The following SEC24C variants were observed in gnomAD, a reference collection of about 807,000 sequenced individuals.
SEC24C encodes the protein SEC24 homolog C, COPII component.
In SEC24C, 22 loss-of-function variants were observed where a neutral mutation model predicts 117.0. The observed-to-expected ratio is 0.19, with a 90% CI of 0.13 to 0.27. The LOEUF (loss-of-function observed/expected upper bound fraction) is 0.27. Ranked by LOEUF, SEC24C falls within the 10% of genes least tolerant of loss-of-function variation. The probability of loss-of-function intolerance (pLI) is 1.00; values close to 1 mark genes in which losing one functional copy is unlikely to be tolerated. For synonymous variants in SEC24C, 506 were observed against 529.4 expected (o/e 0.96, Z 0.61); for missense variants, 1,155 against 1,375.1 (o/e 0.84, Z 2.53).
At chr10:73,747,224 T>A (rs916915551) in intron 2 of SEC24C, among the ~76,000 whole-genome samples, 4 of 152,204 alleles carry the variant, frequency 2.6e-5, no homozygotes, top group Non-Finnish European at 5.9e-5. Context: ...GCTCTGTCAC[T>A]CATGCTGGAT....
chr10:73,769,577 G>A lies in SEC24C; in HGVS notation c.2564-38G>A. 21 of 1,612,518 alleles carry A rather than the reference G, an allele frequency of 1.3e-5. No homozygotes were observed. Among genetic ancestry groups the A allele is most frequent in the Non-Finnish European group, 1.8e-5 (21 of 1,178,674 alleles). ...TGATGGTGGGAATGCACACATGATG[G>A]GCAGCTGACCAGTGACTATCTTTGC... On this transcript the variant is annotated intron_variant, in intron 18 of 22. Coordinates refer to ENST00000345254, the MANE Select transcript of SEC24C (RefSeq NM_198597.3). The surrounding 1 kb of genome is among the most constrained non-coding windows in gnomAD (Gnocchi z 4.5).
chr10:73,755,088 G>T (rs988158726), intron 3 of SEC24C, among the ~76,000 whole-genome samples: 4 of 151,308 alleles, frequency 2.6e-5, no homozygotes, highest in African/African-American at 9.7e-5. Context: ...AGCCGAAATC[G>T]CACCGCTGCA....
At chr10:73,761,765 G>A (rs1303320359) in intron 6 of SEC24C, among the ~76,000 whole-genome samples, 1 of 152,094 alleles carries the variant, frequency 6.6e-6, no homozygotes, top group African/African-American at 2.4e-5. Context: ...TCCTTAGAAT[G>A]GGAGGTTTGG....
At chr10:73,750,899 T>A (rs2082633191) in intron 2 of SEC24C, among the ~76,000 whole-genome samples, 3 of 152,186 alleles carry the variant, frequency 2.0e-5, no homozygotes, top group Admixed American at 2.0e-4. Context: ...AGTATGCTTG[T>A]CTAGGGGAGT....
At chr10:73,764,093 G>A in intron 8 of SEC24C, 110 bp downstream of exon 8, 1 of 1,377,856 alleles carries the variant, frequency 7.3e-7, no homozygotes, top group Non-Finnish European at 9.7e-7. Context: ...ATTTTAGTTA[G>A]GCAGGAGAGG....
Position 73,769,261 on chromosome 10 carries a change from G to C in SEC24C, c.2425-86G>C. 6.3e-7 allele frequency: 1 copy of C among 1,587,776 alleles called. No homozygotes were observed. The highest frequency in any genetic ancestry group is 8.6e-7 in the Non-Finnish European group (1 of 1,165,346). ...AAAGAAGAGACAGGGCACGGGAGTGGCTCATTTCTCTCTTCCAGTTTAATA... is the reference window on the plus strand; with the variant it reads ...AAAGAAGAGACAGGGCACGGGAGTGCCTCATTTCTCTCTTCCAGTTTAATA... On this transcript the variant is annotated intron_variant, in intron 17 of 22. Coordinates refer to ENST00000345254, the MANE Select transcript of SEC24C (RefSeq NM_198597.3). This position sits in a 1 kb window ranked among gnomAD's most constrained non-coding sequence, Gnocchi z 4.5.
chr10:73,765,735 G>A, intron 9 of SEC24C, 65 bp from the exon 10 acceptor site: 1 of 1,567,500 alleles, frequency 6.4e-7, no homozygotes, highest in Non-Finnish European at 8.8e-7. Flanking sequence ...TGTGAGCTCA[G>A]CTAGGGCCAG....
At chr10:73,745,431 T>C (rs2082531913) in intron 1 of SEC24C, among the ~76,000 whole-genome samples, 1 of 151,770 alleles carries the variant, frequency 6.6e-6, no homozygotes, top group African/African-American at 2.4e-5. Flanking sequence ...TTCCATGAAA[T>C]CTAACTCTAA....
intron 3 of SEC24C, among the ~76,000 whole-genome samples, chr10:73,752,276 C>G (rs2082652585): frequency 6.6e-6 from 1 of 152,110 alleles, no homozygotes; most frequent in Non-Finnish European, 1.5e-5. Context: ...CATGCGCCAC[C>G]ACACCCAGCT....
In SEC24C at chr10:73,766,088, C is replaced by A. The variant is rs757546572; in HGVS notation, c.1485C>A (p.Asn495Lys). 5 of 1,612,336 alleles carry A rather than the reference C, an allele frequency of 3.1e-6. No homozygotes were observed. The East Asian group carries it at 1.1e-4, about 36-fold the overall frequency. Residue 495 changes from asparagine (N) to lysine (K), a missense_variant and splice_region_variant, in exon 11 of 23, where the codon AAC (asparagine) becomes AAA (lysine). Asn to Lys is a moderately conservative substitution (Grantham distance 94). Around this residue, in one of 2 missense-constraint regions of SEC24C, gnomAD observed 759 missense variants for 992.3 expected, o/e 0.76. Transcript: ENST00000345254. ...EFLATVDYCK[N>K]NKFPSPPAFI... is the part of the protein sequence containing the mutation. ...CCCAACATTTTCTTCCTCTGCAGAA[C>A]AATAAGTTCCCCAGCCCTCCTGCCT... is the stretch of plus-strand genomic sequence containing the variant.
Position 73,765,876 on chromosome 10 carries a change from G to A in SEC24C, c.1443G>A (p.Leu481=). ...CTTATGACCGCCCTGAGCTATCCCTGGGCTCTTATGAATTCTTGGCCACTG... is the reference window on the plus strand; with the variant it reads ...CTTATGACCGCCCTGAGCTATCCCTAGGCTCTTATGAATTCTTGGCCACTG... The part of the protein sequence containing the change: ...VDAYDRPELS[L]GSYEFLATVD... Residue 481 remains leucine (L), a synonymous_variant, in exon 10 of 23, where the codon CTG becomes CTA. Coordinates refer to ENST00000345254, the MANE Select transcript of SEC24C (RefSeq NM_198597.3). 1 of 1,614,116 alleles carries A rather than the reference G, an allele frequency of 6.2e-7. No individual in the cohort carries two copies. Among genetic ancestry groups the A allele is most frequent in the Non-Finnish European group, 8.5e-7 (1 of 1,180,022 alleles).
intron 14 of SEC24C, 67 bp downstream of exon 14, chr10:73,767,237 C>T (rs1418538115): frequency 4.8e-6 from 5 of 1,047,376 alleles, no homozygotes; most frequent in Non-Finnish European, 7.4e-6. Context: ...ACTCTACTTT[C>T]TTGATGGTGG....
Position 73,769,639 on chromosome 10 carries a change from C to T in SEC24C, c.2588C>T (p.Pro863Leu). 2 of 1,614,080 alleles carry T rather than the reference C, an allele frequency of 1.2e-6. No homozygotes were observed. Among genetic ancestry groups the T allele is most frequent in the Admixed American group, 1.7e-5 (1 of 60,012 alleles). The change falls in exon 19 of 23, where the codon CCT (proline) becomes CTT (leucine). Residue 863 changes from proline to leucine, a missense_variant. Around this residue, in one of 2 missense-constraint regions of SEC24C, gnomAD observed 759 missense variants for 992.3 expected, o/e 0.76. Coordinates refer to ENST00000345254, the MANE Select transcript of SEC24C (RefSeq NM_198597.3). This position sits in a 1 kb window ranked among gnomAD's most constrained non-coding sequence, Gnocchi z 4.5. ...GCATATCGGGGAGTCCTGAATAGCCCTGTGAAGGCTGTTCGTGACACGCTC... is the reference window on the plus strand; with the variant it reads ...GCATATCGGGGAGTCCTGAATAGCCTTGTGAAGGCTGTTCGTGACACGCTC... ...KFAYRGVLNS[P>L]VKAVRDTLIT... is the part of the protein sequence containing the mutation.
intron 4 of SEC24C, 98 bp from the exon 5 acceptor site, chr10:73,759,920 A>C (rs768001732): frequency 1.1e-4 from 164 of 1,494,686 alleles, no homozygotes; most frequent in Non-Finnish European, 1.4e-4. Flanking sequence ...AAGATGGGAC[A>C]GTCATATTTG....
intron 1 of SEC24C, among the ~76,000 whole-genome samples, chr10:73,744,767 G>A (rs1011682669): frequency 1.3e-5 from 2 of 152,142 alleles, no homozygotes; most frequent in Non-Finnish European, 2.9e-5. Context: ...GCTCTCCGAG[G>A]CTCCATGGCT....
chr10:73,748,626 G>A (rs1036807885), intron 2 of SEC24C, among the ~76,000 whole-genome samples: 1 of 145,452 alleles, frequency 6.9e-6, no homozygotes, highest in East Asian at 2.0e-4. Context: ...TATTAGAGAT[G>A]GGGTTTCACC....
At chr10:73,760,575 G>C in intron 5 of SEC24C, 138 bp from the exon 6 acceptor site, 1 of 1,160,554 alleles carries the variant, frequency 8.6e-7, no homozygotes, top group Middle Eastern at 3.0e-4. Context: ...TGATAACATG[G>C]TATTTTTCTG....
chr10:73,757,192 G>A (rs560396959), intron 3 of SEC24C, among the ~76,000 whole-genome samples: 3 of 145,286 alleles, frequency 2.1e-5, no homozygotes, highest in African/African-American at 5.0e-5. Flanking sequence ...GGGATTACAG[G>A]CATGAGCCAC....
At position 73,771,115 on chromosome 10, in the gene SEC24C, T is replaced by A; in HGVS notation, c.*20T>A. The A allele has an allele frequency of 6.2e-7, 1 of 1,611,574 alleles. No homozygotes were observed. The highest frequency in any genetic ancestry group is 8.5e-7 in the Non-Finnish European group (1 of 1,179,024). ...AGCTAAAGCAAGTGGGTAAATGGCA[T>A]AGGGCCCAGGCTAGCTTCCAGAAAG... On this transcript the variant is annotated 3_prime_UTR_variant, in exon 23 of 23. Transcript: ENST00000345254.
Sources: allele counts gnomAD v4.1 joint callset (sites outside exome capture counted in the v4.1 genomes callset), GRCh38; gene constraint gnomAD v4.1.1; regional missense constraint gnomAD v4.1.1; non-coding constraint Gnocchi (gnomAD v3.1); transcripts MANE v1.5; gene names NCBI Gene and HGNC (gene_info 2026-07-23, HGNC 2026-07-21).